DHRS7B: variants seen among roughly 807,000 people sequenced by gnomAD.
DHRS7B encodes the protein dehydrogenase/reductase 7B.
In DHRS7B, 24 loss-of-function variants were observed where a neutral mutation model predicts 26.4. The ratio of observed to expected loss-of-function variants is 0.91; its 90% CI spans 0.66 to 1.28. The LOEUF (loss-of-function observed/expected upper bound fraction) is 1.28. DHRS7B is among the 50% of genes most tolerant of loss of function. The probability of loss-of-function intolerance (pLI) is 0.00; values close to 1 mark genes in which losing one functional copy is unlikely to be tolerated. For synonymous variants in DHRS7B, 142 were observed against 166.4 expected (o/e 0.85, Z 1.13); for missense variants, 368 against 419.4 (o/e 0.88, Z 1.07).
At chr17:21,182,397 C>T (rs1455969536) in intron 3 of DHRS7B, among the ~76,000 whole-genome samples, 3 of 152,036 alleles carry the variant, frequency 2.0e-5, no homozygotes, top group Admixed American at 6.5e-5. Flanking sequence ...TACAGGCATA[C>T]GCCTCCATGC....
chr17:21,138,090 A>G (rs1376932200), intron 1 of DHRS7B, among the ~76,000 whole-genome samples: 3 of 83,898 alleles, frequency 3.6e-5, no homozygotes, highest in Non-Finnish European at 7.7e-5. Flanking sequence ...ATATATATAT[A>G]TATATATATA....
chr17:21,165,695 A>G (rs1974095412), intron 1 of DHRS7B, among the ~76,000 whole-genome samples: 1 of 152,086 alleles, frequency 6.6e-6, no homozygotes. Context: ...AGGTGGGCAG[A>G]TCACAAGGTC....
intron 1 of DHRS7B, chr17:21,127,298 G>T: frequency 2.5e-6 from 1 of 398,984 alleles, no homozygotes; most frequent in East Asian, 4.3e-5. Context: ...AAGGCCTCGC[G>T]CCCACAGGGC....
chr17:21,162,675 G>C (rs993052593), intron 1 of DHRS7B, among the ~76,000 whole-genome samples: 1 of 152,156 alleles, frequency 6.6e-6, no homozygotes, highest in African/African-American at 2.4e-5. Context: ...TGGAGGGCAG[G>C]GTTGCTGGGT....
chr17:21,170,045 C>T (rs1029574284), intron 1 of DHRS7B, among the ~76,000 whole-genome samples: 5 of 152,220 alleles, frequency 3.3e-5, no homozygotes, highest in Admixed American at 2.6e-4. Context: ...AGCCCCCACC[C>T]CTCAACCAGC....
chr17:21,178,153 G>A, intron 2 of DHRS7B, 80 bp from the exon 3 acceptor site: 1 of 1,373,032 alleles, frequency 7.3e-7, no homozygotes, highest in Admixed American at 1.8e-5. Context: ...GTGTGAAGCA[G>A]CAAACAGCAA....
At chr17:21,187,544 T>A (rs1477805288) in intron 5 of DHRS7B, among the ~76,000 whole-genome samples, 1 of 148,280 alleles carries the variant, frequency 6.7e-6, no homozygotes, top group Non-Finnish European at 1.5e-5. Context: ...AAGAACGGTG[T>A]GAACCCGGGA....
chr17:21,161,441 A>G (rs1973998225), intron 1 of DHRS7B, among the ~76,000 whole-genome samples: 1 of 152,224 alleles, frequency 6.6e-6, no homozygotes, highest in Admixed American at 6.5e-5. Flanking sequence ...TTCTGTATCT[A>G]AAACTATCCT....
intron 3 of DHRS7B, among the ~76,000 whole-genome samples, chr17:21,179,693 C>T (rs542374945): frequency 8.6e-5 from 13 of 151,204 alleles, no homozygotes; most frequent in Non-Finnish European, 1.6e-4. Flanking sequence ...TTTATGTATT[C>T]GGGATATTAA....
At position 21,159,414 on chromosome 17, in the gene DHRS7B, ATT is replaced by A. The variant is rs59017040; in HGVS notation, c.21-12591_21-12590del. 1.4e-3 allele frequency among the ~76,000 whole-genome samples: 199 copies of A among 144,634 alleles called. 1 individual carries two copies. The highest frequency in any genetic ancestry group is 3.5e-3 in the Middle Eastern group (1 of 282). 94.9% of individuals were successfully genotyped at this position (144,634 alleles called of 152,430 possible). ...AGGAGTGCACCACCACGCCCGGCTA[ATT>A]TTTTTTTTTTTTGTATTTTTAGTAG... is the stretch of plus-strand genomic sequence containing the variant. On this transcript the variant is annotated intron_variant, in intron 1 of 6. Coordinates refer to ENST00000395511, the MANE Select transcript of DHRS7B (RefSeq NM_015510.5).
intron 1 of DHRS7B, among the ~76,000 whole-genome samples, chr17:21,150,102 A>AT (rs1362646262): frequency 1.7e-4 from 14 of 81,784 alleles, no homozygotes; most frequent in African/African-American, 5.7e-4. Flanking sequence ...CTCCATCTCT[A>AT]TTTAAAAAAA....
In DHRS7B at chr17:21,179,113, T is replaced by A. The variant is rs1042593188; in HGVS notation, c.309+771T>A. 6.7e-5 allele frequency among the ~76,000 whole-genome samples: 10 copies of A among 149,300 alleles called. No individual in the cohort carries two copies. The South Asian group carries it at 1.1e-3, about 16-fold the overall frequency. ...GCATGTGCCACCACACCCAGCTAAA[T>A]TTTTTTTTTTCTACTTTTATGTAGA... On this transcript the variant is annotated intron_variant, in intron 3 of 6. Coordinates refer to ENST00000395511, the MANE Select transcript of DHRS7B (RefSeq NM_015510.5).
intron 1 of DHRS7B, among the ~76,000 whole-genome samples, chr17:21,148,109 C>T (rs2143971367): frequency 6.6e-6 from 1 of 152,010 alleles, no homozygotes; most frequent in African/African-American, 2.4e-5. Flanking sequence ...GAGACAAGTT[C>T]TCACCATGTT....
chr17:21,162,499 A>G (rs1283261309), intron 1 of DHRS7B, among the ~76,000 whole-genome samples: 1 of 152,220 alleles, frequency 6.6e-6, no homozygotes, highest in Non-Finnish European at 1.5e-5. Flanking sequence ...ACAAACATTT[A>G]TGAAGTTCTC....
chr17:21,128,479 C>CCT (rs1973150429), intron 1 of DHRS7B: 1 of 152,134 alleles, frequency 6.6e-6, no homozygotes, highest in East Asian at 1.9e-4. Flanking sequence ...GGGCGGATCA[C>CCT]GAGGTCAGGA....
intron 1 of DHRS7B, among the ~76,000 whole-genome samples, chr17:21,144,293 C>T (rs1973593103): frequency 6.6e-6 from 1 of 152,118 alleles, no homozygotes; most frequent in African/African-American, 2.4e-5. Flanking sequence ...TCTACTCATT[C>T]TGGAGGTGAG....
intron 3 of DHRS7B, among the ~76,000 whole-genome samples, chr17:21,178,694 T>C (rs1974445630): frequency 6.6e-6 from 1 of 150,870 alleles, no homozygotes; most frequent in Admixed American, 6.6e-5. Context: ...AGTCTCGCTC[T>C]GTCACCCAGG....
intron 1 of DHRS7B, among the ~76,000 whole-genome samples, chr17:21,142,691 C>G (rs1973544994): frequency 6.6e-6 from 1 of 151,872 alleles, no homozygotes; most frequent in Non-Finnish European, 1.5e-5. Flanking sequence ...CACCCCCCTC[C>G]CCCGCCCCGC....
At position 21,191,310 on chromosome 17, in the gene DHRS7B, C is replaced by A; in HGVS notation, c.*157C>A. The A allele has an allele frequency of 3.1e-5, 22 of 706,848 alleles. No homozygotes were observed. Among genetic ancestry groups the A allele is most frequent in the Middle Eastern group, 4.2e-4 (1 of 2,408 alleles). 43.8% of individuals were successfully genotyped at this position (706,848 alleles called of 1,614,324 possible). A position where few individuals can be genotyped will look rare whatever the true frequency, so the allele number is the denominator to read the frequency against. On this transcript the variant is annotated 3_prime_UTR_variant, in exon 7 of 7. Coordinates refer to ENST00000395511, the MANE Select transcript of DHRS7B (RefSeq NM_015510.5). ...CTCGTGCAGATCTGCTGGCAGAGGA[C>A]AATCAAAAACGACAACAAGCTTCTT... is the stretch of plus-strand genomic sequence containing the variant.
Sources: gnomAD v4.1 joint callset for allele counts (sites outside exome capture counted in the v4.1 genomes callset) on GRCh38, gnomAD v4.1.1 for gene constraint, MANE v1.5 for transcripts, NCBI Gene and HGNC (gene_info 2026-07-23, HGNC 2026-07-21) for gene names.